Variants in RBFOX1 observed in about 807,000 individuals in gnomAD.
The protein encoded by RBFOX1 is RNA binding fox-1 homolog 1, also known as RNA binding protein fox-1 homolog 1.
Under a neutral mutation model 57.7 loss-of-function variants are expected in RBFOX1, and 8 were observed. The ratio of observed to expected loss-of-function variants is 0.14; its 90% CI spans 0.08 to 0.25. The LOEUF is 0.25. Ranked by LOEUF, RBFOX1 falls within the 10% of genes least tolerant of loss-of-function variation. The probability of loss-of-function intolerance (pLI) is 1.00; values close to 1 mark genes in which losing one functional copy is unlikely to be tolerated. For missense variants in RBFOX1, 611 were observed against 548.5 expected (o/e 1.11, Z -1.14); for synonymous variants, 326 against 222.4 (o/e 1.47, Z -4.15).
chr16:5,697,203 C>G (rs2050871089), intron 3 of RBFOX1, among the ~76,000 whole-genome samples: 1 of 151,958 alleles, frequency 6.6e-6, no homozygotes, highest in South Asian at 2.1e-4. Flanking sequence ...TCTAATAATC[C>G]TAATACTTTG....
chr16:6,941,300 CTCCTTCCTTCCTTCCT>C (rs57110590), intron 3 of RBFOX1, among the ~76,000 whole-genome samples: 7,142 of 79,110 alleles, frequency 0.09, 381 homozygotes, highest in East Asian at 0.26. Flanking sequence ...CCCTCCCTCC[CTCCTTCCTTCCTTCCT>C]TCCTTCCTTC....
At chr16:5,271,599 A>G (rs2063009772) in intron 1 of RBFOX1, among the ~76,000 whole-genome samples, 1 of 152,238 alleles carries the variant, frequency 6.6e-6, no homozygotes, top group Non-Finnish European at 1.5e-5. Context: ...GCTGAACATC[A>G]TCTCTTACTC....
intron 4 of RBFOX1, among the ~76,000 whole-genome samples, chr16:5,956,664 A>T (rs1245755734): frequency 2.1e-5 from 1 of 47,078 alleles, no homozygotes; most frequent in East Asian, 4.7e-4. Flanking sequence ...ATATTTATAT[A>T]TATATATATA....
intron 4 of RBFOX1, among the ~76,000 whole-genome samples, chr16:5,993,366 T>A (rs2152321661): frequency 9.9e-6 from 1 of 100,742 alleles, no homozygotes; most frequent in Middle Eastern, 5.7e-3. Context: ...TGTGTGTGTG[T>A]GTGTGTGTGT....
intron 4 of RBFOX1, among the ~76,000 whole-genome samples, chr16:7,410,540 G>C (rs1253247573): frequency 1.3e-5 from 2 of 152,162 alleles, no homozygotes; most frequent in Non-Finnish European, 2.9e-5. Flanking sequence ...AATTAGCTGG[G>C]AGTGGTGGTG....
At chr16:7,240,481 GTA>G (rs2093999284) in intron 4 of RBFOX1, among the ~76,000 whole-genome samples, 1 of 152,122 alleles carries the variant, frequency 6.6e-6, no homozygotes, top group African/African-American at 2.4e-5. Flanking sequence ...TGAAGGAGGA[GTA>G]TGTTATTTTA....
At chr16:5,373,573 C>T (rs1306762613) in intron 1 of RBFOX1, among the ~76,000 whole-genome samples, 1 of 152,066 alleles carries the variant, frequency 6.6e-6, no homozygotes, top group Non-Finnish European at 1.5e-5. Context: ...TCCTGTACAG[C>T]CTGCAGAACC....
At chr16:6,943,616 G>C (rs1170769431) in intron 3 of RBFOX1, among the ~76,000 whole-genome samples, 1 of 151,924 alleles carries the variant, frequency 6.6e-6, no homozygotes, top group Non-Finnish European at 1.5e-5. Flanking sequence ...GCTGAGGCAG[G>C]AGAATGGCGT....
At chr16:6,580,908 CTTTT>C (rs5815330) in intron 2 of RBFOX1, among the ~76,000 whole-genome samples, 65,521 of 142,506 alleles carry the variant, frequency 0.46, 14,399 homozygotes, top group Middle Eastern at 0.52. Context: ...TTTGGGCTTG[CTTTT>C]TTTTTTTTTT....
chr16:6,110,708 A>T (rs1227051456), intron 1 of RBFOX1, among the ~76,000 whole-genome samples: 2 of 152,192 alleles, frequency 1.3e-5, no homozygotes, highest in African/African-American at 4.8e-5. Context: ...TGTATAATCC[A>T]GAGCAGTGGT....
intron 3 of RBFOX1, among the ~76,000 whole-genome samples, chr16:6,970,752 A>G (rs1309736812): frequency 6.6e-6 from 1 of 152,352 alleles, no homozygotes; most frequent in African/African-American, 2.4e-5. Flanking sequence ...GGACATATAC[A>G]TTCAGACCAT....
intron 4 of RBFOX1, among the ~76,000 whole-genome samples, chr16:7,063,596 T>G (rs2055153968): frequency 6.6e-6 from 1 of 152,216 alleles, no homozygotes; most frequent in Admixed American, 6.5e-5. Context: ...ATTTAGCTGG[T>G]AAAATGTTTT....
At chr16:6,699,983 G>C (rs1233680634) in intron 3 of RBFOX1, among the ~76,000 whole-genome samples, 4 of 152,150 alleles carry the variant, frequency 2.6e-5, no homozygotes, top group Non-Finnish European at 5.9e-5. Flanking sequence ...ATGTGGATGA[G>C]CTAGCTGACA....
At chr16:6,810,342 C>T (rs2088160460) in intron 3 of RBFOX1, among the ~76,000 whole-genome samples, 1 of 152,084 alleles carries the variant, frequency 6.6e-6, no homozygotes, top group African/African-American at 2.4e-5. Context: ...CAGGAGGCTT[C>T]CGTGCATTTT....
chr16:7,341,882 C>G (rs1056956516), intron 4 of RBFOX1, among the ~76,000 whole-genome samples: 4 of 151,496 alleles, frequency 2.6e-5, no homozygotes, highest in African/African-American at 4.9e-5. Context: ...CCCTTCCCAC[C>G]TTGCATCCAA....
intron 4 of RBFOX1, among the ~76,000 whole-genome samples, chr16:7,406,423 T>C (rs912685333): frequency 1.3e-5 from 2 of 152,214 alleles, no homozygotes; most frequent in East Asian, 3.9e-4. Flanking sequence ...AGCCTTGTTT[T>C]CATCCAGTCC....
chr16:7,182,232 G>A lies in RBFOX1; in HGVS notation c.27+130134G>A, dbSNP rs1049321407. ...TATAAGCTACATGAAGTTGTTACAG[G>A]GTTGCTAGTTTACCTTCGCTTTGTA... On this transcript the variant is annotated intron_variant, in intron 4 of 15. Coordinates refer to ENST00000550418, the MANE Select transcript of RBFOX1 (RefSeq NM_018723.4). 3.9e-5 allele frequency among the ~76,000 whole-genome samples: 6 copies of A among 152,138 alleles called. No individual in the cohort carries two copies. In the South Asian group the frequency reaches 1.2e-3, roughly 32 times the overall value.
At chr16:6,026,049 G>T (rs771990894) in intron 1 of RBFOX1, among the ~76,000 whole-genome samples, 7 of 152,100 alleles carry the variant, frequency 4.6e-5, no homozygotes, top group Non-Finnish European at 8.8e-5. Context: ...CACCTTATTC[G>T]ATTCCTGCTC....
rs544048967 is a variant in RBFOX1 at position 7,108,336 on chromosome 16, A to G, written c.27+56238A>G. 3.0e-5 allele frequency among the ~76,000 whole-genome samples: 4 copies of G among 133,916 alleles called. No homozygotes were observed. The Admixed American group carries it at 3.0e-4, about 10-fold the overall frequency. The allele number at this position is 133,916 out of a possible 152,430, so 87.9% of individuals were successfully genotyped here. ...CAAGAACTTCTTTCTATTTTATTTCAGTACAGCTTGTCCTTTGTTTGCTTC... is the reference window on the plus strand; with the variant it reads ...CAAGAACTTCTTTCTATTTTATTTCGGTACAGCTTGTCCTTTGTTTGCTTC... On this transcript the variant is annotated intron_variant, in intron 4 of 15. Transcript: ENST00000550418.
Sources: gnomAD v4.1 joint callset for allele counts (sites outside exome capture counted in the v4.1 genomes callset) on GRCh38, gnomAD v4.1.1 for gene constraint, MANE v1.5 for transcripts, NCBI Gene and HGNC (gene_info 2026-07-23, HGNC 2026-07-21) for gene names.